The following TBC1D5 variants were observed in gnomAD, a reference collection of about 807,000 sequenced individuals.
TBC1D5 encodes TBC1 domain family member 5, also known as TBC1 domain family, member 5.
A neutral mutation model predicts 100.3 loss-of-function variants in TBC1D5; 75 were observed. That is an observed-to-expected ratio of 0.75 (90% CI 0.62 to 0.91). TBC1D5 has a LOEUF of 0.91. TBC1D5 is among the 40% of genes least tolerant of loss of function. The probability of loss-of-function intolerance (pLI) is 0.00; values close to 1 mark genes in which losing one functional copy is unlikely to be tolerated. For missense variants in TBC1D5, 910 were observed against 942.4 expected (o/e 0.97, Z 0.45); for synonymous variants, 323 against 325.6 (o/e 0.99, Z 0.09).
At chr3:17,182,302 A>T (rs1240020636) in intron 19 of TBC1D5, among the ~76,000 whole-genome samples, 1 of 152,244 alleles carries the variant, frequency 6.6e-6, no homozygotes, top group Non-Finnish European at 1.5e-5. Context: ...TATGTGAACG[A>T]GTTCTGGCTG....
At chr3:17,685,516 A>G (rs1295362013) in intron 1 of TBC1D5, among the ~76,000 whole-genome samples, 1 of 152,074 alleles carries the variant, frequency 6.6e-6, no homozygotes, top group Non-Finnish European at 1.5e-5. Context: ...ACAAAGCTAC[A>G]ATGATTTTCC....
At chr3:17,236,782 T>G (rs2075892333) in intron 17 of TBC1D5, among the ~76,000 whole-genome samples, 1 of 152,166 alleles carries the variant, frequency 6.6e-6, no homozygotes, top group Non-Finnish European at 1.5e-5. Flanking sequence ...GCCCGATATA[T>G]TCTTATGCAT....
At chr3:17,439,563 A>T (rs1479663792) in intron 3 of TBC1D5, among the ~76,000 whole-genome samples, 1 of 152,176 alleles carries the variant, frequency 6.6e-6, no homozygotes, top group Non-Finnish European at 1.5e-5. Context: ...TTTAATGTTT[A>T]CCAATTCCTT....
intron 3 of TBC1D5, among the ~76,000 whole-genome samples, chr3:17,487,404 G>C (rs909974128): frequency 6.6e-6 from 1 of 152,060 alleles, no homozygotes; most frequent in Non-Finnish European, 1.5e-5. Context: ...CCAAAATTAA[G>C]GATTGGTCAT....
intron 13 of TBC1D5, among the ~76,000 whole-genome samples, chr3:17,370,746 C>T (rs921095800): frequency 6.6e-6 from 1 of 152,130 alleles, no homozygotes; most frequent in Admixed American, 6.6e-5. Flanking sequence ...AAACACTATT[C>T]TCTTTTCTGG....
intron 13 of TBC1D5, among the ~76,000 whole-genome samples, chr3:17,334,134 G>A (rs549075566): frequency 6.6e-6 from 1 of 152,118 alleles, no homozygotes; most frequent in Admixed American, 6.6e-5. Context: ...TAAAATGAAG[G>A]CTCTTGAGGT....
intron 1 of TBC1D5, among the ~76,000 whole-genome samples, chr3:17,702,928 T>C (rs964798495): frequency 6.6e-6 from 1 of 152,100 alleles, no homozygotes; most frequent in Non-Finnish European, 1.5e-5. Flanking sequence ...GGTAAGGTCT[T>C]TAAATAAGAA....
intron 1 of TBC1D5, among the ~76,000 whole-genome samples, chr3:17,653,478 G>T (rs1349868254): frequency 6.6e-6 from 1 of 151,944 alleles, no homozygotes; most frequent in Non-Finnish European, 1.5e-5. Context: ...AGGCCAAATT[G>T]AGGGATATTC....
chr3:17,543,203 C>T (rs1354504272), intron 2 of TBC1D5, among the ~76,000 whole-genome samples: 1 of 152,112 alleles, frequency 6.6e-6, no homozygotes, highest in East Asian at 1.9e-4. Flanking sequence ...CTGTATGTGC[C>T]TCTACATGCA....
chr3:17,469,833 C>T (rs1382940582), intron 3 of TBC1D5, among the ~76,000 whole-genome samples: 1 of 152,218 alleles, frequency 6.6e-6, no homozygotes, highest in African/African-American at 2.4e-5. Flanking sequence ...ATTACGATGA[C>T]CCGATCTTCC....
intron 15 of TBC1D5, among the ~76,000 whole-genome samples, chr3:17,286,519 C>A (rs1360189122): frequency 6.6e-6 from 1 of 152,052 alleles, no homozygotes; most frequent in African/African-American, 2.4e-5. Context: ...CTTAGTAGTT[C>A]TAATATGATA....
chr3:17,738,422 C>T (rs2077139429), intron 1 of TBC1D5, among the ~76,000 whole-genome samples: 1 of 152,064 alleles, frequency 6.6e-6, no homozygotes, highest in Admixed American at 6.6e-5. Context: ...CTCTCTAATT[C>T]TCAAAGTTAC....
intron 3 of TBC1D5, among the ~76,000 whole-genome samples, chr3:17,458,270 T>C (rs911367984): frequency 5.3e-5 from 8 of 152,144 alleles, no homozygotes; most frequent in African/African-American, 1.9e-4. Context: ...CCTGTTTCCA[T>C]ACCCCAACTG....
intron 2 of TBC1D5, among the ~76,000 whole-genome samples, chr3:17,616,854 C>T (rs954600423): frequency 9.2e-5 from 14 of 152,058 alleles, no homozygotes; most frequent in African/African-American, 3.1e-4. Context: ...TTTGCCAGTC[C>T]GTGTCTTTTA....
At chr3:17,674,677 T>C (rs2068392459) in intron 1 of TBC1D5, among the ~76,000 whole-genome samples, 1 of 152,142 alleles carries the variant, frequency 6.6e-6, no homozygotes, top group South Asian at 2.1e-4. Context: ...TACTTTTTTT[T>C]CTAGGACCTT....
chr3:17,685,555 T>C (rs2070150593), intron 1 of TBC1D5, among the ~76,000 whole-genome samples: 1 of 152,086 alleles, frequency 6.6e-6, no homozygotes, highest in Non-Finnish European at 1.5e-5. Context: ...TAAGCAAATG[T>C]ACATAAGTTA....
At chr3:17,356,049 T>C (rs1372060506) in intron 13 of TBC1D5, among the ~76,000 whole-genome samples, 3 of 152,152 alleles carry the variant, frequency 2.0e-5, no homozygotes, top group African/African-American at 7.2e-5. Flanking sequence ...AAAGCACCAA[T>C]ATGCTGGTTT....
At chr3:17,572,518 T>TG (rs934986075) in intron 2 of TBC1D5, among the ~76,000 whole-genome samples, 13 of 152,160 alleles carry the variant, frequency 8.5e-5, no homozygotes, top group Non-Finnish European at 1.6e-4. Flanking sequence ...AACAAACCTC[T>TG]GCTGCTCTGT....
chr3:17,405,639 G>C (rs1275226893), intron 5 of TBC1D5, among the ~76,000 whole-genome samples: 1 of 151,998 alleles, frequency 6.6e-6, no homozygotes, highest in Non-Finnish European at 1.5e-5. Context: ...CTAGCAGCAG[G>C]TCTCCTGCCT....
Sources: gnomAD v4.1 joint callset for allele counts (sites outside exome capture counted in the v4.1 genomes callset) on GRCh38, gnomAD v4.1.1 for gene constraint, MANE v1.5 for transcripts, NCBI Gene and HGNC (gene_info 2026-07-23, HGNC 2026-07-21) for gene names.